Variants in ERBB4 observed in about 807,000 individuals in gnomAD.
ERBB4 encodes erb-b2 receptor tyrosine kinase 4.
ERBB4 carries 42 observed loss-of-function variants against 158.0 expected under a neutral mutation model. The ratio of observed to expected loss-of-function variants is 0.27; its 90% CI spans 0.21 to 0.34. The LOEUF (loss-of-function observed/expected upper bound fraction) is 0.34, where lower values mean the gene tolerates loss of function less well. Among genes scored for constraint, ERBB4 ranks in the 10% least tolerant of loss-of-function variants. ERBB4 has a pLI of 1.00. For synonymous variants in ERBB4, 583 were observed against 558.7 expected, an observed-to-expected ratio of 1.04 and a Z score of -0.61; for missense variants, 1,333 against 1,624.1, an observed-to-expected ratio of 0.82 and a Z score of 3.08.
In ERBB4 at chr2:211,580,812, A is replaced by AG. The variant is rs1203397849; in HGVS notation, c.2302-18725_2302-18724insC. 1.7e-3 allele frequency among the ~76,000 whole-genome samples: 81 copies of AG among 48,250 alleles called. 11 individuals are homozygous for AG. The highest frequency in any genetic ancestry group is 8.6e-3 in the African/African-American group (81 of 9,392). 31.7% of individuals were successfully genotyped at this position (48,250 alleles called of 152,430 possible). On this transcript the variant is annotated intron_variant, in intron 19 of 27. Transcript: ENST00000342788. ...GATATATATATATATATATATATAT[A>AG]ATATATATATATTATATATATAGAT...
At chr2:212,431,088 T>C (rs1303184764) in intron 1 of ERBB4, among the ~76,000 whole-genome samples, 1 of 152,032 alleles carries the variant, frequency 6.6e-6, no homozygotes, top group Non-Finnish European at 1.5e-5. Flanking sequence ...TTGACACTGA[T>C]TCCCTCTTTG....
chr2:212,536,596 C>A lies in ERBB4; in HGVS notation c.82+1853G>T, dbSNP rs555180608. Among the ~76,000 whole-genome samples the A allele has an allele frequency of 2.0e-5, 3 of 152,268 alleles. No individual in the cohort carries two copies. In the East Asian group the frequency reaches 5.8e-4, roughly 29 times the overall value. ...ATTCGCCCAGGGAAACGAGAAGAGA[C>A]GAAGCGAGGGCGCGAGCTAGTGTCG... On this transcript the variant is annotated intron_variant, in intron 1 of 27. Coordinates refer to ENST00000342788, the MANE Select transcript of ERBB4 (RefSeq NM_005235.3).
At chr2:212,020,595 T>C (rs1367100547) in intron 2 of ERBB4, among the ~76,000 whole-genome samples, 1 of 152,174 alleles carries the variant, frequency 6.6e-6, no homozygotes, top group Non-Finnish European at 1.5e-5. Context: ...ATAAAAGTGT[T>C]ACCTACAAAT....
At chr2:212,019,212 G>T (rs1318299546) in intron 2 of ERBB4, among the ~76,000 whole-genome samples, 2 of 152,168 alleles carry the variant, frequency 1.3e-5, no homozygotes. Flanking sequence ...TTTCAGGAAG[G>T]TCTTAGAAAA....
chr2:211,560,402 G>A (rs2067358854), intron 20 of ERBB4, among the ~76,000 whole-genome samples: 1 of 148,506 alleles, frequency 6.7e-6, no homozygotes, highest in Non-Finnish European at 1.5e-5. Flanking sequence ...AGCCTCCTTA[G>A]TAGCTGGGAT....
chr2:211,378,277 A>C lies in ERBB4; in HGVS notation c.*5338T>G, dbSNP rs2062514044. On this transcript the variant is annotated 3_prime_UTR_variant, in exon 28 of 28. Transcript: ENST00000342788. ...GGAAGCATGTGAATACCCCCCGTGA[A>C]ATTGGGGCTTAGAGTCATTTTAGCT... The C allele has an allele frequency of 4.3e-6, 1 of 232,756 alleles. No individual in the cohort carries two copies. The highest frequency in any genetic ancestry group is 1.8e-4 in the South Asian group (1 of 5,532). The allele number at this position is 232,756 out of a possible 1,614,324, so 14.4% of individuals were successfully genotyped here. A position where few individuals can be genotyped will look rare whatever the true frequency, so the allele number is the denominator to read the frequency against.
intron 1 of ERBB4, among the ~76,000 whole-genome samples, chr2:212,324,818 T>C (rs1192142777): frequency 2.0e-5 from 3 of 150,580 alleles, no homozygotes; most frequent in African/African-American, 4.8e-5. Flanking sequence ...ACAGAATTTA[T>C]GGAAGATGAA....
At chr2:211,658,009 A>G in intron 15 of ERBB4, 181 bp from the exon 16 acceptor site, 1 of 1,584,470 alleles carries the variant, frequency 6.3e-7, no homozygotes, top group Non-Finnish European at 8.6e-7. Context: ...AGAAAATGCA[A>G]ATTTAAAAAA....
intron 1 of ERBB4, among the ~76,000 whole-genome samples, chr2:212,219,460 T>A (rs1574459469): frequency 1.3e-5 from 2 of 151,452 alleles, no homozygotes; most frequent in South Asian, 4.1e-4. Flanking sequence ...TAAAAAATAA[T>A]AAGATTTTTA....
At chr2:212,392,201 C>G (rs2090897550) in intron 1 of ERBB4, among the ~76,000 whole-genome samples, 1 of 151,942 alleles carries the variant, frequency 6.6e-6, no homozygotes, top group South Asian at 2.1e-4. Flanking sequence ...GTGAATCACT[C>G]AGACCAATGT....
chr2:212,115,100 TTACTAAAA>T (rs2079532962), intron 2 of ERBB4, among the ~76,000 whole-genome samples: 1 of 152,202 alleles, frequency 6.6e-6, no homozygotes, highest in Non-Finnish European at 1.5e-5. Context: ...AGGCCTTTGT[TTACTAAAA>T]TACCTTAATT....
At chr2:211,568,387 A>G (rs2067615413) in intron 19 of ERBB4, among the ~76,000 whole-genome samples, 1 of 152,146 alleles carries the variant, frequency 6.6e-6, no homozygotes, top group African/African-American at 2.4e-5. Context: ...AAGGGAAGAC[A>G]TTTTTGTACA....
chr2:211,775,588 T>C (rs547899211), intron 4 of ERBB4, among the ~76,000 whole-genome samples: 12 of 152,340 alleles, frequency 7.9e-5, no homozygotes, highest in African/African-American at 2.6e-4. Flanking sequence ...AGCTACACTT[T>C]GGTTTGTCCA....
chr2:212,360,674 G>T lies in ERBB4; in HGVS notation c.82+177775C>A, dbSNP rs143448161. The stretch of plus-strand genomic sequence containing the variant: ...ACCAAGATTTTAAGGAAAATAAAAT[G>T]ACCCTTTCTACCACAGAAAGCATGG... On this transcript the variant is annotated intron_variant, in intron 1 of 27. Transcript: ENST00000342788. Among the ~76,000 whole-genome samples the T allele has an allele frequency of 9.1e-3, 1,381 of 151,648 alleles. 14 individuals carry two copies. Among genetic ancestry groups the T allele is most frequent in the Non-Finnish European group, 0.014 (978 of 67,730 alleles).
rs1349614234 is a variant in ERBB4, at chr2:211,944,201, T to C, written c.421+3229A>G. On this transcript the variant is annotated intron_variant, in intron 3 of 27. Coordinates refer to ENST00000342788, the MANE Select transcript of ERBB4 (RefSeq NM_005235.3). The stretch of plus-strand genomic sequence containing the variant: ...ACTATATATATATATATATATATAC[T>C]ATATATATATATACACACACACACA... 7.3e-4 allele frequency among the ~76,000 whole-genome samples: 4 copies of C among 5,476 alleles called. 1 individual carries two copies. Among genetic ancestry groups the C allele is most frequent in the Non-Finnish European group, 1.8e-3 (4 of 2,252 alleles). 3.6% of individuals were successfully genotyped at this position (5,476 alleles called of 152,430 possible).
chr2:212,157,335 T>C lies in ERBB4; in HGVS notation c.83-32432A>G, dbSNP rs537913691. Among the ~76,000 whole-genome samples, 225 of 152,204 alleles carry C rather than the reference T, an allele frequency of 1.5e-3. 1 individual carries two copies. The highest frequency in any genetic ancestry group is 6.8e-3 in the Middle Eastern group (2 of 294). The stretch of plus-strand genomic sequence containing the variant: ...GAGATGGCCTCTCTGAGTGTGGGCC[T>C]AGTATTCAATACTTACCCTTTTTAT... On this transcript the variant is annotated intron_variant, in intron 1 of 27. Transcript: ENST00000342788.
chr2:212,315,078 A>T (rs1418026124), intron 1 of ERBB4, among the ~76,000 whole-genome samples: 1 of 151,326 alleles, frequency 6.6e-6, no homozygotes, highest in Non-Finnish European at 1.5e-5. Flanking sequence ...AAAACAGATA[A>T]GTTTTAAGTA....
intron 1 of ERBB4, among the ~76,000 whole-genome samples, chr2:212,522,231 A>C (rs1692209598): frequency 6.6e-6 from 1 of 151,978 alleles, no homozygotes; most frequent in Non-Finnish European, 1.5e-5. Context: ...CCTTGTTTGT[A>C]AAATAAGGAT....
intron 2 of ERBB4, among the ~76,000 whole-genome samples, chr2:212,022,905 C>T (rs1051361045): frequency 2.0e-5 from 3 of 152,236 alleles, no homozygotes; most frequent in East Asian, 1.9e-4. Flanking sequence ...GATGACACTT[C>T]TTCCTGGTAA....
Sources: allele counts gnomAD v4.1 joint callset (sites outside exome capture counted in the v4.1 genomes callset), GRCh38; gene constraint gnomAD v4.1.1; transcripts MANE v1.5; gene names NCBI Gene and HGNC (gene_info 2026-07-23, HGNC 2026-07-21).